BCAR3: variants seen among roughly 807,000 people sequenced by gnomAD.
BCAR3 encodes BCAR3 adaptor protein, NSP family member, also known as breast cancer anti-estrogen resistance protein 3.
Under a neutral mutation model 80.1 loss-of-function variants are expected in BCAR3, and 37 were observed. That is an observed-to-expected ratio of 0.46 (90% confidence interval 0.36 to 0.61). The LOEUF is 0.61. Among genes scored for constraint, BCAR3 ranks in the 20% least tolerant of loss-of-function variants. The pLI is 0.00. For missense variants in BCAR3, 978 were observed against 1,068.2 expected (o/e 0.92, Z 1.18); for synonymous variants, 389 against 418.9 (o/e 0.93, Z 0.87).
chr1:93,763,834 G>A (rs562156594), intron 2 of BCAR3, among the ~76,000 whole-genome samples: 121 of 152,302 alleles, frequency 7.9e-4, no homozygotes, highest in Non-Finnish European at 1.5e-3. Context: ...CACTATGGCC[G>A]ATTTCAAGCT....
At position 93,800,679 on chromosome 1, in the gene BCAR3, T is replaced by C. The variant is rs1571137228; in HGVS notation, c.-63+44888A>G. Among the ~76,000 whole-genome samples, 3 of 152,216 alleles carry C rather than the reference T, an allele frequency of 2.0e-5. No individual in the cohort carries two copies. The East Asian group carries it at 5.8e-4, about 29-fold the overall frequency. ...ATTTGGATGATTATCTGCTCTGAAT[T>C]TTCTGATTTATAATTTTGAATCAAT... On this transcript the variant is annotated intron_variant, in intron 2 of 13. Coordinates refer to the BCAR3 transcript ENST00000370244.
At chr1:93,672,132 C>T (rs1648240452) in intron 2 of BCAR3, among the ~76,000 whole-genome samples, 1 of 152,166 alleles carries the variant, frequency 6.6e-6, no homozygotes, top group South Asian at 2.1e-4. Flanking sequence ...GTTAAGTCTT[C>T]CACAGCCTGG....
At chr1:93,695,658 C>G (rs1370067666) in intron 3 of BCAR3, among the ~76,000 whole-genome samples, 2 of 152,188 alleles carry the variant, frequency 1.3e-5, no homozygotes, top group African/African-American at 4.8e-5. Flanking sequence ...TCCTGTCTTC[C>G]TTTCACTGAA....
intron 1 of BCAR3, among the ~76,000 whole-genome samples, chr1:93,846,157 T>G (rs1387696512): frequency 1.3e-5 from 2 of 151,980 alleles, no homozygotes; most frequent in African/African-American, 2.4e-5. Context: ...TAAGTAAGAC[T>G]GTAAAATCCC....
At position 93,828,879 on chromosome 1, in the gene BCAR3, G is replaced by A. The variant is rs887905852; in HGVS notation, c.-63+16688C>T. 1.4e-4 allele frequency among the ~76,000 whole-genome samples: 21 copies of A among 152,110 alleles called. 1 individual carries two copies. The highest frequency in any genetic ancestry group is 5.1e-4 in the African/African-American group (21 of 41,418). Reference sequence around the variant, plus strand: ...GGCTAATTTTTGTATTTTTAGTAGAGATGGGGTTTCACCATGTTGCCAGGC... The same window carrying A: ...GGCTAATTTTTGTATTTTTAGTAGAAATGGGGTTTCACCATGTTGCCAGGC... On this transcript the variant is annotated intron_variant, in intron 2 of 13. Transcript: ENST00000370244.
chr1:93,571,929 T>C (rs980350096), intron 8 of BCAR3, 88 bp from the exon 9 acceptor site: 4 of 1,434,234 alleles, frequency 2.8e-6, no homozygotes, highest in East Asian at 4.6e-5. Flanking sequence ...GGGCTGTTTT[T>C]GTGCCATTTG....
intron 2 of BCAR3, among the ~76,000 whole-genome samples, chr1:93,661,287 C>A (rs1005753098): frequency 6.6e-6 from 1 of 152,186 alleles, no homozygotes; most frequent in Non-Finnish European, 1.5e-5. Context: ...GATCCACCCA[C>A]CTCAGCCTCC....
chr1:93,779,928 G>A (rs746646400), intron 2 of BCAR3, among the ~76,000 whole-genome samples: 1 of 152,018 alleles, frequency 6.6e-6, no homozygotes, highest in Non-Finnish European at 1.5e-5. Context: ...AGGTGACTCC[G>A]GTTCCTGTTG....
intron 2 of BCAR3, among the ~76,000 whole-genome samples, chr1:93,751,115 C>T (rs1651542836): frequency 1.3e-5 from 2 of 152,206 alleles, no homozygotes; most frequent in South Asian, 4.1e-4. Flanking sequence ...CTGACCAGAA[C>T]TCAGGGAGGA....
At chr1:93,572,950 T>C (rs951361054) in intron 8 of BCAR3, among the ~76,000 whole-genome samples, 2 of 152,196 alleles carry the variant, frequency 1.3e-5, no homozygotes, top group Non-Finnish European at 2.9e-5. Context: ...AAATAGGTAA[T>C]GGGCTCTGCC....
intron 3 of BCAR3, among the ~76,000 whole-genome samples, chr1:93,700,336 G>T (rs982785357): frequency 6.6e-6 from 1 of 151,920 alleles, no homozygotes; most frequent in African/African-American, 2.4e-5. Context: ...GGGACCACAG[G>T]GGCACACCCC....
chr1:93,721,548 G>A (rs549520610), intron 2 of BCAR3, among the ~76,000 whole-genome samples: 21 of 152,228 alleles, frequency 1.4e-4, no homozygotes, highest in Non-Finnish European at 2.2e-4. Context: ...CCAGTGGCCA[G>A]GAGACCTCTA....
intron 3 of BCAR3, among the ~76,000 whole-genome samples, chr1:93,627,206 T>A (rs1441087840): frequency 1.3e-5 from 2 of 152,222 alleles, no homozygotes; most frequent in Non-Finnish European, 2.9e-5. Flanking sequence ...TTATAAGATC[T>A]GCATAACTCG....
chr1:93,658,964 C>G (rs1195593119), intron 2 of BCAR3, among the ~76,000 whole-genome samples: 1 of 152,164 alleles, frequency 6.6e-6, no homozygotes, highest in African/African-American at 2.4e-5. Context: ...ACCCATGCAC[C>G]AGGGTATGTC....
intron 3 of BCAR3, among the ~76,000 whole-genome samples, chr1:93,699,390 A>G (rs897182041): frequency 1.3e-5 from 2 of 152,154 alleles, no homozygotes; most frequent in African/African-American, 4.8e-5. Context: ...CATGCTTCCA[A>G]GATGCTATCA....
chr1:93,674,547 G>A (rs1368095403), intron 2 of BCAR3, 67 bp downstream of exon 2: 1 of 1,531,068 alleles, frequency 6.5e-7, no homozygotes, highest in Admixed American at 2.0e-5. Context: ...ACCACGCCCG[G>A]CCATAAAAAC....
At chr1:93,755,883 G>C (rs897318707) in intron 2 of BCAR3, among the ~76,000 whole-genome samples, 1 of 152,098 alleles carries the variant, frequency 6.6e-6, no homozygotes, top group African/African-American at 2.4e-5. Context: ...TAAATTTTTT[G>C]TTGTGTCCCA....
chr1:93,628,428 A>G (rs1675513182), intron 3 of BCAR3, among the ~76,000 whole-genome samples: 1 of 152,110 alleles, frequency 6.6e-6, no homozygotes, highest in South Asian at 2.1e-4. Context: ...TCCAGAAAAA[A>G]TTGAAGTCTT....
intron 2 of BCAR3, among the ~76,000 whole-genome samples, chr1:93,816,804 G>A (rs1417913602): frequency 6.6e-6 from 1 of 151,658 alleles, no homozygotes; most frequent in African/African-American, 2.4e-5. Flanking sequence ...CCATAGCTAG[G>A]AACAAGATAT....
Sources: gnomAD v4.1 joint callset for allele counts (sites outside exome capture counted in the v4.1 genomes callset) on GRCh38, gnomAD v4.1.1 for gene constraint, MANE v1.5 for transcripts, NCBI Gene and HGNC (gene_info 2026-07-23, HGNC 2026-07-21) for gene names.